HMG20A: variants seen among roughly 807,000 people sequenced by gnomAD.
The protein encoded by HMG20A is high mobility group 20A, also known as high mobility group protein 20A.
HMG20A carries 17 observed loss-of-function variants against 43.9 expected under a neutral mutation model. The ratio of observed to expected loss-of-function variants is 0.39; its 90% confidence interval spans 0.27 to 0.58. HMG20A has a LOEUF of 0.58. Ranked by LOEUF, HMG20A falls within the 20% of genes least tolerant of loss-of-function variation. The probability of loss-of-function intolerance (pLI) is 0.59; values close to 1 mark genes in which losing one functional copy is unlikely to be tolerated. For missense variants in HMG20A, 341 were observed against 438.2 expected (o/e 0.78, Z 1.98); for synonymous variants, 132 against 147.5 (o/e 0.89, Z 0.76).
At chr15:77,431,901 T>C (rs2073489128) in intron 1 of HMG20A, among the ~76,000 whole-genome samples, 1 of 152,194 alleles carries the variant, frequency 6.6e-6, no homozygotes, top group African/African-American at 2.4e-5. Flanking sequence ...AGTGCCAGGC[T>C]AATTTCACTT....
intron 1 of HMG20A, 122 bp downstream of exon 1, chr15:77,421,126 G>A: frequency 2.5e-6 from 1 of 392,744 alleles, no homozygotes; most frequent in Non-Finnish European, 4.5e-6. Flanking sequence ...GCTGAATGGG[G>A]GCGCCTCAAC....
At chr15:77,434,698 C>T (rs544396813) in intron 1 of HMG20A, among the ~76,000 whole-genome samples, 1 of 152,128 alleles carries the variant, frequency 6.6e-6, no homozygotes, top group Non-Finnish European at 1.5e-5. Flanking sequence ...TGAGGCCTCT[C>T]ACTACATCCC....
chr15:77,448,261 G>A (rs996547820), intron 1 of HMG20A, among the ~76,000 whole-genome samples: 6 of 152,018 alleles, frequency 3.9e-5, no homozygotes, highest in Admixed American at 3.9e-4. Flanking sequence ...TAAATTTTAT[G>A]CCTTATCTGC....
At chr15:77,430,968 C>T (rs901382044) in intron 1 of HMG20A, among the ~76,000 whole-genome samples, 12 of 151,972 alleles carry the variant, frequency 7.9e-5, no homozygotes, top group Non-Finnish European at 1.8e-4. Flanking sequence ...AATATCAAGC[C>T]ATGGATTTGA....
At chr15:77,433,826 A>G (rs1169132237) in intron 1 of HMG20A, among the ~76,000 whole-genome samples, 2 of 152,250 alleles carry the variant, frequency 1.3e-5, no homozygotes, top group Non-Finnish European at 1.5e-5. Flanking sequence ...AAATTGCTCT[A>G]TAGATTAAAT....
chr15:77,479,047 A>C (rs976004115), intron 8 of HMG20A, 132 bp from the exon 9 acceptor site: 2 of 816,054 alleles, frequency 2.5e-6, no homozygotes, highest in Non-Finnish European at 4.1e-6. Flanking sequence ...TTGAGATCTA[A>C]AAGTCTCTCC....
chr15:77,423,023 G>A (rs1485571453), intron 1 of HMG20A, among the ~76,000 whole-genome samples: 1 of 152,152 alleles, frequency 6.6e-6, no homozygotes, highest in Non-Finnish European at 1.5e-5. Context: ...GAAAAAAATA[G>A]AGAATATCAT....
At chr15:77,471,191 T>G in intron 5 of HMG20A, 149 bp downstream of exon 5, 3 of 750,770 alleles carry the variant, frequency 4.0e-6, no homozygotes, top group East Asian at 3.2e-5. Flanking sequence ...TCTTGAAATT[T>G]TATTAAAATC....
At chr15:77,434,541 TA>T (rs1344329984) in intron 1 of HMG20A, among the ~76,000 whole-genome samples, 2 of 151,926 alleles carry the variant, frequency 1.3e-5, no homozygotes, top group Non-Finnish European at 2.9e-5. Context: ...AAAAAACAAA[TA>T]ATCAAATTTT....
At chr15:77,487,060 C>T (rs2072949177), downstream of HMG20A, among the ~76,000 whole-genome samples, 1 of 152,154 alleles carries the variant, frequency 6.6e-6, no homozygotes, top group Non-Finnish European at 1.5e-5. Flanking sequence ...AGCCACTTGA[C>T]CATCAGCCAT....
intron 6 of HMG20A, among the ~76,000 whole-genome samples, chr15:77,476,603 T>G (rs1478310605): frequency 6.6e-6 from 1 of 152,142 alleles, no homozygotes; most frequent in African/African-American, 2.4e-5. Flanking sequence ...GTTTGCATGT[T>G]TTTCATGTTA....
intron 3 of HMG20A, chr15:77,464,623 A>G: frequency 2.8e-6 from 1 of 358,074 alleles, no homozygotes; most frequent in South Asian, 3.1e-5. Flanking sequence ...ACCTCATATT[A>G]GATGTTGAAC....
intron 2 of HMG20A, among the ~76,000 whole-genome samples, chr15:77,460,489 C>T (rs937063203): frequency 6.6e-6 from 1 of 152,074 alleles, no homozygotes; most frequent in Non-Finnish European, 1.5e-5. Flanking sequence ...TATTAGATAT[C>T]TAAGTGGAGA....
In HMG20A at chr15:77,470,998, G is replaced by A. The variant is rs1211520049; in HGVS notation, c.539G>A (p.Ser180Asn). 1 of 1,613,396 alleles carries A rather than the reference G, an allele frequency of 6.2e-7. No homozygotes were observed. The highest frequency in any genetic ancestry group is 1.7e-5 in the Admixed American group (1 of 59,834). The change falls in exon 5 of 10, where the codon AGT becomes AAT. Residue 180 changes from serine to asparagine, a missense_variant. Coordinates refer to ENST00000336216, the MANE Select transcript of HMG20A (RefSeq NM_001304504.2). The part of the protein sequence containing the change: ...YQKTEAYKVF[S>N]RKTQDRQKGK... ...AAAACAGAGGCCTACAAGGTCTTCA[G>A]TAGGAAAACCCAGGACCGTCAGAAA...
At chr15:77,454,189 A>G (rs2072633829) in intron 1 of HMG20A, among the ~76,000 whole-genome samples, 1 of 150,748 alleles carries the variant, frequency 6.6e-6, no homozygotes, top group African/African-American at 2.4e-5. Flanking sequence ...AACAAAGTAG[A>G]TTAGTGGTTG....
chr15:77,465,506 C>T (rs2072749346), intron 3 of HMG20A, among the ~76,000 whole-genome samples: 1 of 151,666 alleles, frequency 6.6e-6, no homozygotes, highest in Non-Finnish European at 1.5e-5. Flanking sequence ...AGCTATTCTC[C>T]TGCCCCAGCT....
chr15:77,432,500 T>C (rs1488962097), intron 1 of HMG20A, among the ~76,000 whole-genome samples: 3 of 152,060 alleles, frequency 2.0e-5, no homozygotes, highest in African/African-American at 7.2e-5. Context: ...GGTGGGTGGA[T>C]CACCTGAGGT....
chr15:77,448,957 C>A (rs1429378832), intron 1 of HMG20A, among the ~76,000 whole-genome samples: 1 of 151,694 alleles, frequency 6.6e-6, no homozygotes, highest in Non-Finnish European at 1.5e-5. Context: ...AGGCTGAGGC[C>A]GAGAATTGCT....
intron 1 of HMG20A, among the ~76,000 whole-genome samples, chr15:77,454,006 C>CAAA (rs34166489): frequency 2.8e-5 from 3 of 107,810 alleles, no homozygotes; most frequent in African/African-American, 1.1e-4. Flanking sequence ...CCTATCTCTA[C>CAAA]AAAAAAAAAA....
Sources: gnomAD v4.1 joint callset for allele counts (sites outside exome capture counted in the v4.1 genomes callset) on GRCh38, gnomAD v4.1.1 for gene constraint, MANE v1.5 for transcripts, NCBI Gene and HGNC (gene_info 2026-07-23, HGNC 2026-07-21) for gene names.